MPP4: variants seen among roughly 807,000 people sequenced by gnomAD.
MPP4 encodes MAGUK p55 subfamily member 4.
A neutral mutation model predicts 98.3 loss-of-function variants in MPP4; 91 were observed. The ratio of observed to expected loss-of-function variants is 0.93; its 90% confidence interval spans 0.78 to 1.10. The LOEUF is 1.10. MPP4 is among the 50% of genes least tolerant of loss of function. The pLI, the probability that MPP4 is intolerant of heterozygous loss-of-function variation, is 0.00. For synonymous variants in MPP4, 261 were observed against 271.8 expected, an observed-to-expected ratio of 0.96 and a Z score of 0.39; for missense variants, 744 against 792.9, an observed-to-expected ratio of 0.94 and a Z score of 0.74.
intron 20 of MPP4, among the ~76,000 whole-genome samples, chr2:201,648,852 G>C (rs1687640148): frequency 6.6e-6 from 1 of 152,150 alleles, no homozygotes; most frequent in African/African-American, 2.4e-5. Context: ...GAGCCCAGGA[G>C]TTCCATTGCC....
At position 201,657,590 on chromosome 2, in the gene MPP4, G is replaced by GTTTT. The variant is rs929926346; in HGVS notation, c.1129+883_1129+886dup. 3.1e-3 allele frequency among the ~76,000 whole-genome samples: 286 copies of GTTTT among 91,020 alleles called. 65 individuals carry two copies. The East Asian group carries it at 0.061, about 19-fold the overall frequency. The allele number at this position is 91,020 out of a possible 152,430, so 59.7% of individuals were successfully genotyped here. Reference sequence around the variant, plus strand: ...TCTAACAGTGAGAACCCTGGCCCTTGTTTTTTTTTTGTTTTTTTGTTTTTT... The same window carrying GTTTT: ...TCTAACAGTGAGAACCCTGGCCCTTGTTTTTTTTTTTTTTGTTTTTTTGTTTTTT... On this transcript the variant is annotated intron_variant, in intron 16 of 21. Transcript: ENST00000409474.
At chr2:201,689,012 AT>A (rs1452636743) in intron 4 of MPP4, among the ~76,000 whole-genome samples, 1 of 151,972 alleles carries the variant, frequency 6.6e-6, no homozygotes, top group East Asian at 1.9e-4. Flanking sequence ...CAGCAGCTTG[AT>A]TGTGTTCAGC....
At position 201,645,354 on chromosome 2, in the gene MPP4, C is replaced by G; in HGVS notation, c.1770G>C (p.Gln590His). 6 of 1,614,004 alleles carry G rather than the reference C, an allele frequency of 3.7e-6. No homozygotes were observed. The highest frequency in any genetic ancestry group is 5.1e-6 in the Non-Finnish European group (6 of 1,179,860). The change falls in exon 22 of 22, where the codon CAG becomes CAC. Residue 590 changes from glutamine to histidine, a missense_variant. By Grantham distance (24) the Gln-to-His change is conservative. Coordinates refer to ENST00000409474, the MANE Select transcript of MPP4 (RefSeq NM_033066.3). ...MENLAQRMET[Q>H]FGQFFDHVIV... is the part of the protein sequence containing the mutation. The stretch of plus-strand genomic sequence containing the variant: ...TCACATGATCAAAAAATTGGCCAAA[C>G]TGAGTTTCCATTCTTTGGGCTAAAT...
intron 4 of MPP4, among the ~76,000 whole-genome samples, chr2:201,689,632 T>C (rs1688946742): frequency 6.6e-6 from 1 of 152,170 alleles, no homozygotes; most frequent in African/African-American, 2.4e-5. Context: ...ATTTGCTATC[T>C]GATTGGGTGT....
At chr2:201,666,281 T>G in intron 13 of MPP4, 53 bp downstream of exon 13, 1 of 1,466,886 alleles carries the variant, frequency 6.8e-7, no homozygotes, top group Admixed American at 2.2e-5. Context: ...TAATCTATAA[T>G]TGACATGCTT....
In MPP4 at chr2:201,693,912, CCTT is replaced by C. The variant is rs1324212067; in HGVS notation, c.40_42del (p.Lys14del). The C allele has an allele frequency of 2.5e-6, 4 of 1,613,834 alleles. No homozygotes were observed. The highest frequency in any genetic ancestry group is 3.4e-6 in the Non-Finnish European group (4 of 1,179,868). On this transcript the variant is annotated inframe_deletion, in exon 2 of 22. Coordinates refer to ENST00000409474, the MANE Select transcript of MPP4 (RefSeq NM_033066.3). Reference sequence around the variant, plus strand: ...TTGGTGGCTGTAGAAAGCTTCATGTCCTTCTTGTCTGGTGGATCTGCTCCTTTG... The same window carrying C: ...TTGGTGGCTGTAGAAAGCTTCATGTCCTTGTCTGGTGGATCTGCTCCTTTG...
intron 4 of MPP4, 54 bp from the exon 5 acceptor site, chr2:201,687,425 A>T: frequency 7.5e-7 from 1 of 1,338,662 alleles, no homozygotes; most frequent in Non-Finnish European, 1.0e-6. Flanking sequence ...TTTATCACCT[A>T]CTTAACCTCA....
At chr2:201,685,769 A>T in intron 6 of MPP4, 150 bp downstream of exon 6, 1 of 791,022 alleles carries the variant, frequency 1.3e-6, no homozygotes, top group Non-Finnish European at 1.9e-6. Context: ...GTTTGAAACC[A>T]CAGGCAAAAC....
At chr2:201,696,872 T>C (rs1298097590) in intron 1 of MPP4, among the ~76,000 whole-genome samples, 2 of 152,240 alleles carry the variant, frequency 1.3e-5, no homozygotes, top group East Asian at 1.9e-4. Context: ...CTACAACTTA[T>C]GCAAATTCTA....
At position 201,657,267 on chromosome 2, in the gene MPP4, G is replaced by C. The variant is rs183602294; in HGVS notation, c.1130-899C>G. On this transcript the variant is annotated intron_variant, in intron 16 of 21. Coordinates refer to ENST00000409474, the MANE Select transcript of MPP4 (RefSeq NM_033066.3). ...CACAGACAGGTTAGGTGGTTGCTTA[G>C]GACTGTGTGATCAGTGCAAAGTTGG... is the stretch of plus-strand genomic sequence containing the variant. 3.3e-5 allele frequency among the ~76,000 whole-genome samples: 5 copies of C among 152,254 alleles called. No homozygotes were observed. The East Asian group carries it at 9.7e-4, about 29-fold the overall frequency.
At chr2:201,646,780 C>G (rs1349327781) in intron 21 of MPP4, 1 of 152,212 alleles carries the variant, frequency 6.6e-6, no homozygotes, top group African/African-American at 2.4e-5. Context: ...GGCCCTTGTA[C>G]AAGCATGACA....
At chr2:201,674,555 T>C (rs915360951) in intron 11 of MPP4, among the ~76,000 whole-genome samples, 18 of 152,174 alleles carry the variant, frequency 1.2e-4, no homozygotes, top group East Asian at 1.9e-4. Flanking sequence ...GAGAAAATTA[T>C]GGTAGTGGGG....
At chr2:201,651,930 G>A (rs1273773287) in intron 18 of MPP4, 4 of 733,458 alleles carry the variant, frequency 5.5e-6, no homozygotes, top group Non-Finnish European at 6.7e-6. Flanking sequence ...TCCAGCCTGG[G>A]CAATGCAGTG....
intron 5 of MPP4, 128 bp from the exon 6 acceptor site, chr2:201,686,178 G>A: frequency 9.3e-7 from 1 of 1,079,058 alleles, no homozygotes; most frequent in Non-Finnish European, 1.3e-6. Flanking sequence ...GCCAGACACA[G>A]TGCGAAGCAT....
chr2:201,691,684 AT>A (rs1689032387), intron 3 of MPP4, among the ~76,000 whole-genome samples: 1 of 151,980 alleles, frequency 6.6e-6, no homozygotes, highest in Non-Finnish European at 1.5e-5. Context: ...CATATGGCTA[AT>A]TTTTTGTATT....
rs1559593637 is a variant in MPP4 at position 201,645,375 on chromosome 2, T to C, written c.1749A>G (p.Leu583=). Reference sequence around the variant, plus strand: ...CAAACTGAGTTTCCATTCTTTGGGCTAAATTTTCCATCTCTTGTAGGTCTT... The same window carrying C: ...CAAACTGAGTTTCCATTCTTTGGGCCAAATTTTCCATCTCTTGTAGGTCTT... ...KDEDLQEMEN[L]AQRMETQFGQ... The change falls in exon 22 of 22, where the codon TTA becomes TTG. Residue 583 remains leucine, a synonymous_variant. Coordinates refer to ENST00000409474, the MANE Select transcript of MPP4 (RefSeq NM_033066.3). 6.2e-7 allele frequency: 1 copy of C among 1,614,034 alleles called. No individual in the cohort carries two copies. Among genetic ancestry groups the C allele is most frequent in the Admixed American group, 1.7e-5 (1 of 60,026 alleles).
At position 201,664,116 on chromosome 2, in the gene MPP4, G is replaced by A; in HGVS notation, c.1052-15C>T. ...TGTTTCTTCATCTATGATTTTTCAT[G>A]GAGGCAAAAATCAAAAATGTTATTA... On this transcript the variant is annotated splice_polypyrimidine_tract_variant and intron_variant, in intron 13 of 21. Coordinates refer to ENST00000409474, the MANE Select transcript of MPP4 (RefSeq NM_033066.3). 1.3e-6 allele frequency: 2 copies of A among 1,529,914 alleles called. No individual in the cohort carries two copies. Among genetic ancestry groups the A allele is most frequent in the East Asian group, 2.4e-5 (1 of 41,686 alleles). 94.8% of individuals were successfully genotyped at this position (1,529,914 alleles called of 1,614,324 possible).
chr2:201,650,120 T>C lies in MPP4; in HGVS notation c.1427A>G (p.Tyr476Cys). 1 of 1,581,722 alleles carries C rather than the reference T, an allele frequency of 6.3e-7. No homozygotes were observed. Reference sequence around the variant, plus strand: ...AAATGTTTCCTTGGACACATAGTGATACTCACGCCCATTCATTTCGTAACT... The same window carrying C: ...AAATGTTTCCTTGGACACATAGTGACACTCACGCCCATTCATTTCGTAACT... ...KKSYEMNGRE[Y>C]HYVSKETFEN... The change falls in exon 19 of 22, where the codon TAT becomes TGT. Residue 476 changes from tyrosine (Y) to cysteine (C), a missense_variant. Transcript: ENST00000409474.
At chr2:201,692,729 C>A (rs1689072917) in intron 3 of MPP4, among the ~76,000 whole-genome samples, 179 bp downstream of exon 3, 1 of 152,126 alleles carries the variant, frequency 6.6e-6, no homozygotes, top group Non-Finnish European at 1.5e-5. Context: ...CCTCAAAAGA[C>A]ACTGAATCTG....
Sources: gnomAD v4.1 joint callset for allele counts (sites outside exome capture counted in the v4.1 genomes callset) on GRCh38, gnomAD v4.1.1 for gene constraint, MANE v1.5 for transcripts, NCBI Gene and HGNC (gene_info 2026-07-23, HGNC 2026-07-21) for gene names.